Variants in DAB1 observed in about 807,000 individuals in gnomAD.
The protein encoded by DAB1 is disabled homolog 1.
A neutral mutation model predicts 64.6 loss-of-function variants in DAB1; 15 were observed. That is an observed-to-expected ratio of 0.23 (90% CI 0.16 to 0.36). The LOEUF is 0.36. DAB1 is among the 10% of genes least tolerant of loss of function. The probability of loss-of-function intolerance (pLI) is 1.00; values close to 1 mark genes in which losing one functional copy is unlikely to be tolerated. For missense variants in DAB1, 596 were observed against 706.7 expected (o/e 0.84, Z 1.78); for synonymous variants, 235 against 251.9 (o/e 0.93, Z 0.64).
intron 6 of DAB1, among the ~76,000 whole-genome samples, chr1:57,811,294 G>C (rs779686599): frequency 2.0e-5 from 3 of 152,184 alleles, no homozygotes; most frequent in Non-Finnish European, 4.4e-5. Flanking sequence ...TAGATCACGG[G>C]GGTGGTTTCT....
At chr1:57,347,385 G>A (rs940250065) in intron 1 of DAB1, among the ~76,000 whole-genome samples, 1 of 152,134 alleles carries the variant, frequency 6.6e-6, no homozygotes, top group African/African-American at 2.4e-5. Flanking sequence ...TATATTAAGG[G>A]GTGGTATTAC....
rs574838871 is a variant in DAB1, at chr1:57,480,108, C to T, written n.625+169484G>A. ...CGGAGCTTGCAGTGAGTCGAGATCG[C>T]GCCACTGCACTCCAGCCTGGGCGAC... On this transcript the variant is annotated intron_variant and non_coding_transcript_variant, in intron 7 of 20. Transcript: ENST00000485760. 7.1e-3 allele frequency among the ~76,000 whole-genome samples: 1,065 copies of T among 149,018 alleles called. 8 individuals are homozygous for T. The highest frequency in any genetic ancestry group is 0.025 in the African/African-American group (1,007 of 40,096).
intron 1 of DAB1, chr1:57,867,147 C>G (rs1654337538): frequency 6.6e-6 from 1 of 152,122 alleles, no homozygotes; most frequent in African/African-American, 2.4e-5. Context: ...GGATGGAGCT[C>G]TCCGTTGCTA....
intron 5 of DAB1, chr1:58,074,536 A>ATG: frequency 9.3e-6 from 1 of 107,400 alleles, no homozygotes; most frequent in Admixed American, 1.1e-4. Context: ...ATATATATAT[A>ATG]TATATATACA....
intron 2 of DAB1, among the ~76,000 whole-genome samples, chr1:58,506,751 C>G (rs1311954306): frequency 2.0e-5 from 3 of 152,038 alleles, no homozygotes; most frequent in African/African-American, 7.2e-5. Context: ...CTAGAACAAT[C>G]AGAAAAAAAC....
At chr1:58,371,908 A>T (rs148559020) in intron 3 of DAB1, among the ~76,000 whole-genome samples, 267 of 152,312 alleles carry the variant, frequency 1.8e-3, no homozygotes, top group African/African-American at 6.3e-3. Context: ...ATTTCAGAGG[A>T]TGTATGAAAA....
chr1:57,811,136 C>G (rs1651598608), intron 6 of DAB1, among the ~76,000 whole-genome samples: 1 of 152,182 alleles, frequency 6.6e-6, no homozygotes. Flanking sequence ...GGATAATCTT[C>G]CTATTGTAAG....
chr1:56,998,686 T>C (rs2101606968), intron 14 of DAB1, among the ~76,000 whole-genome samples: 1 of 152,340 alleles, frequency 6.6e-6, no homozygotes, highest in African/African-American at 2.4e-5. Context: ...GGGTGCACTG[T>C]TGAGCCAGAG....
At chr1:58,104,184 G>A (rs945980968) in intron 5 of DAB1, among the ~76,000 whole-genome samples, 6 of 152,214 alleles carry the variant, frequency 3.9e-5, no homozygotes, top group Non-Finnish European at 8.8e-5. Context: ...CCCACCGGGT[G>A]GTGAAGCCCC....
At chr1:57,161,772 G>C (rs1660775680) in intron 2 of DAB1, among the ~76,000 whole-genome samples, 1 of 150,506 alleles carries the variant, frequency 6.6e-6, no homozygotes, top group Non-Finnish European at 1.5e-5. Flanking sequence ...CACCACCCAG[G>C]TACATTTATG....
chr1:57,393,869 C>A (rs1466818222), intron 1 of DAB1, among the ~76,000 whole-genome samples: 1 of 152,138 alleles, frequency 6.6e-6, no homozygotes, highest in Non-Finnish European at 1.5e-5. Context: ...TATTTACTAT[C>A]TGAATCTTTG....
chr1:57,711,276 T>C (rs2181717), intron 6 of DAB1, among the ~76,000 whole-genome samples: 69,524 of 152,174 alleles, frequency 0.46, 18,456 homozygotes, highest in African/African-American at 0.75. Context: ...CAAAGACAGC[T>C]AGCCAGTGAG....
chr1:58,537,744 G>C (rs1646539741), intron 1 of DAB1, among the ~76,000 whole-genome samples: 1 of 152,144 alleles, frequency 6.6e-6, no homozygotes, highest in Admixed American at 6.5e-5. Flanking sequence ...TTTACACAAA[G>C]TGTGTCCATT....
intron 5 of DAB1, among the ~76,000 whole-genome samples, chr1:57,978,479 G>A (rs1209458): frequency 9.9e-5 from 15 of 152,092 alleles, no homozygotes; most frequent in Non-Finnish European, 1.8e-4. Context: ...GAAAACCTGG[G>A]CAATACCATT....
chr1:57,736,096 TGCCTCCCCG>T (rs1215964486), intron 6 of DAB1, among the ~76,000 whole-genome samples: 1 of 152,230 alleles, frequency 6.6e-6, no homozygotes, highest in Non-Finnish European at 1.5e-5. Context: ...AGCACATTAA[TGCCTCCCCG>T]TACGGACGGC....
Position 57,010,749 on chromosome 1 carries a change from A to G in DAB1, c.1614T>C (p.Gly538=), listed in dbSNP as rs1421688693. The G allele has an allele frequency of 6.3e-7, 1 of 1,598,100 alleles. No homozygotes were observed. The highest frequency in any genetic ancestry group is 1.3e-5 in the African/African-American group (1 of 74,368). ...CACCACTGGGCTCCCCACTGGGCTCACCAAATGGATCACTGTTGGATGAGG... is the reference window on the plus strand; with the variant it reads ...CACCACTGGGCTCCCCACTGGGCTCGCCAAATGGATCACTGTTGGATGAGG... The part of the protein sequence containing the change: ...SQASSNSDPF[G]EPSGEPSGDN... Residue 538 remains glycine, a synonymous_variant, in exon 14 of 15, where the codon GGT becomes GGC. Transcript: ENST00000371236.
At chr1:57,032,765 G>T (rs1399227401) in intron 9 of DAB1, among the ~76,000 whole-genome samples, 1 of 152,142 alleles carries the variant, frequency 6.6e-6, no homozygotes, top group Non-Finnish European at 1.5e-5. Context: ...TGTCCTAGAG[G>T]TTTCCCAATA....
chr1:57,110,480 T>C (rs892964030), intron 4 of DAB1, among the ~76,000 whole-genome samples: 16 of 152,228 alleles, frequency 1.1e-4, no homozygotes, highest in Non-Finnish European at 2.4e-4. Flanking sequence ...ATTCATTCAG[T>C]GACAACAAGG....
At chr1:58,112,804 T>C (rs145639919) in intron 5 of DAB1, among the ~76,000 whole-genome samples, 3 of 152,260 alleles carry the variant, frequency 2.0e-5, no homozygotes, top group African/African-American at 4.8e-5. Context: ...GCTCCTAAAG[T>C]ACATGATCCT....
Sources: gnomAD v4.1 joint callset for allele counts (sites outside exome capture counted in the v4.1 genomes callset) on GRCh38, gnomAD v4.1.1 for gene constraint, MANE v1.5 for transcripts, NCBI Gene and HGNC (gene_info 2026-07-23, HGNC 2026-07-21) for gene names.